The following NWD2 variants were observed in gnomAD, a reference collection of about 807,000 sequenced individuals.
NWD2 encodes NACHT and WD repeat domain containing 2, also known as NACHT and WD repeat domain-containing protein 2.
In NWD2, 37 loss-of-function variants were observed where a neutral mutation model predicts 132.7. That is an observed-to-expected ratio of 0.28 (90% CI 0.21 to 0.37). The LOEUF (loss-of-function observed/expected upper bound fraction) is 0.37. NWD2 is among the 10% of genes least tolerant of loss of function. The probability of loss-of-function intolerance (pLI) is 1.00; values close to 1 mark genes in which losing one functional copy is unlikely to be tolerated. For missense variants in NWD2, 1,592 were observed against 2,122.4 expected (o/e 0.75, Z 4.91); for synonymous variants, 705 against 803.0 (o/e 0.88, Z 2.06).
intron 5 of NWD2, among the ~76,000 whole-genome samples, chr4:37,435,301 A>C (rs576587736): frequency 1.7e-4 from 26 of 152,330 alleles, no homozygotes; most frequent in African/African-American, 6.3e-4. Context: ...GAAAACCTAA[A>C]AGGCACTTGG....
intron 2 of NWD2, among the ~76,000 whole-genome samples, chr4:37,335,882 T>C (rs1719396267): frequency 1.4e-5 from 2 of 147,498 alleles, no homozygotes; most frequent in South Asian, 4.5e-4. Flanking sequence ...TAATAAATGG[T>C]GGTTGATCGA....
In NWD2 at chr4:37,443,016, T is replaced by C. The variant is rs1475996463; in HGVS notation, c.1297-269T>C. On this transcript the variant is annotated intron_variant, in intron 6 of 6. Transcript: ENST00000309447. The surrounding 1 kb of genome is among the most constrained non-coding windows in gnomAD (Gnocchi z 4.1). ...ACCTTGTATCTTCTGGAATACAAGC[T>C]AAATATTGCCGAATGAGTGAAAAAT... Among the ~76,000 whole-genome samples the C allele has an allele frequency of 2.6e-5, 4 of 152,062 alleles. No individual in the cohort carries two copies. Among genetic ancestry groups the C allele is most frequent in the Admixed American group, 2.0e-4 (3 of 15,246 alleles).
intron 1 of NWD2, among the ~76,000 whole-genome samples, chr4:37,265,223 T>A (rs1288126283): frequency 6.6e-6 from 1 of 152,150 alleles, no homozygotes; most frequent in Non-Finnish European, 1.5e-5. Context: ...ATAGTTCTAA[T>A]ATTTACTGCA....
chr4:37,250,159 T>TAC (rs59150547), intron 1 of NWD2, among the ~76,000 whole-genome samples: 14,361 of 148,866 alleles, frequency 0.096, 748 homozygotes, highest in Non-Finnish European at 0.12. Context: ...TGTGTGTGTA[T>TAC]ACACACACAC....
rs1379537672 is a variant in NWD2 at position 37,447,209 on chromosome 4, GAT to G, written c.5223_5224del (p.Asp1741GlufsTer32). On this transcript the variant is annotated frameshift_variant, in exon 7 of 7. Coordinates refer to ENST00000309447, the MANE Select transcript of NWD2 (RefSeq NM_001144990.2). LOFTEE classifies it high-confidence loss of function. The stretch of plus-strand genomic sequence containing the variant: ...AGCCAGGGGCCACAGCTATGCCCCT[GAT>G]AACTGACAAAATGTTTTCCAGCTAA... ...LEARGHSYAP[D>X]N The G allele has an allele frequency of 6.5e-7, 1 of 1,543,564 alleles. No individual in the cohort carries two copies. The highest frequency in any genetic ancestry group is 2.5e-5 in the East Asian group (1 of 40,792).
intron 2 of NWD2, among the ~76,000 whole-genome samples, chr4:37,345,378 A>G (rs987196041): frequency 5.3e-5 from 8 of 152,178 alleles, no homozygotes; most frequent in Admixed American, 4.6e-4. Context: ...TCTTGCCAAC[A>G]CTTGTAATTA....
At chr4:37,357,226 A>T (rs1235402123) in intron 3 of NWD2, among the ~76,000 whole-genome samples, 1 of 150,666 alleles carries the variant, frequency 6.6e-6, no homozygotes, top group Non-Finnish European at 1.5e-5. Flanking sequence ...CTTTGAACAT[A>T]GGTTGCTCTA....
At chr4:37,408,559 A>G (rs960971693) in intron 3 of NWD2, among the ~76,000 whole-genome samples, 5 of 152,198 alleles carry the variant, frequency 3.3e-5, no homozygotes, top group South Asian at 4.1e-4. Flanking sequence ...CCCCATCTCA[A>G]TGGGACAGAG....
intron 1 of NWD2, among the ~76,000 whole-genome samples, chr4:37,292,288 TGAG>T (rs113580671): frequency 0.035 from 5,392 of 152,144 alleles, 330 homozygotes; most frequent in African/African-American, 0.12. Context: ...AGTGAGGCCT[TGAG>T]GGGATGATTA....
At chr4:37,316,044 AAAG>A (rs1177482957) in intron 1 of NWD2, among the ~76,000 whole-genome samples, 18 of 151,998 alleles carry the variant, frequency 1.2e-4, no homozygotes, top group East Asian at 1.9e-4. Context: ...CTAAATGTAG[AAAG>A]AAGAAGATCT....
At chr4:37,387,210 A>G (rs1720581555) in intron 3 of NWD2, among the ~76,000 whole-genome samples, 1 of 152,216 alleles carries the variant, frequency 6.6e-6, no homozygotes, top group Non-Finnish European at 1.5e-5. Context: ...GAAAACTACT[A>G]GAAAAAATTA....
rs553759401 is a variant in NWD2, at chr4:37,349,750, A to G, written c.241-6616A>G. 9.3e-4 allele frequency among the ~76,000 whole-genome samples: 142 copies of G among 152,248 alleles called. 1 individual carries two copies. Among genetic ancestry groups the G allele is most frequent in the African/African-American group, 3.1e-3 (130 of 41,562 alleles). ...ATTGCTTTTGGTGTTTTAGTCATGAAGTCTTTGCCCATGCCTATGACCTGA... is the reference window on the plus strand; with the variant it reads ...ATTGCTTTTGGTGTTTTAGTCATGAGGTCTTTGCCCATGCCTATGACCTGA... On this transcript the variant is annotated intron_variant, in intron 2 of 6. Coordinates refer to ENST00000309447, the MANE Select transcript of NWD2 (RefSeq NM_001144990.2).
At chr4:37,337,852 T>C (rs917438884) in intron 2 of NWD2, among the ~76,000 whole-genome samples, 5 of 152,198 alleles carry the variant, frequency 3.3e-5, no homozygotes, top group Non-Finnish European at 7.4e-5. Flanking sequence ...TCCTTTTCCC[T>C]TTCTGAATTC....
chr4:37,339,615 C>T (rs1026196969), intron 2 of NWD2, among the ~76,000 whole-genome samples: 1 of 152,088 alleles, frequency 6.6e-6, no homozygotes, highest in African/African-American at 2.4e-5. Context: ...ACTACGTGTC[C>T]CCATTGAGTA....
At chr4:37,372,244 CAT>C (rs1720243310) in intron 3 of NWD2, among the ~76,000 whole-genome samples, 1 of 152,124 alleles carries the variant, frequency 6.6e-6, no homozygotes, top group African/African-American at 2.4e-5. Flanking sequence ...ATATATAAAA[CAT>C]AAATGGAATA....
chr4:37,406,823 G>T (rs1268618798), intron 3 of NWD2, among the ~76,000 whole-genome samples: 1 of 152,174 alleles, frequency 6.6e-6, no homozygotes, highest in African/African-American at 2.4e-5. Context: ...TTGAACCCAG[G>T]AGGCAGGGGT....
intron 1 of NWD2, among the ~76,000 whole-genome samples, chr4:37,290,929 G>A (rs925657991): frequency 1.3e-5 from 2 of 152,140 alleles, no homozygotes; most frequent in African/African-American, 4.8e-5. Context: ...TAGAGTTAAG[G>A]AGTCCTAGAA....
chr4:37,436,683 C>A (rs1712331821), intron 5 of NWD2, among the ~76,000 whole-genome samples: 1 of 152,136 alleles, frequency 6.6e-6, no homozygotes, highest in African/African-American at 2.4e-5. Context: ...CTTCCTTTCT[C>A]TTCATGATGC....
chr4:37,414,982 G>T (rs1711546898), intron 3 of NWD2, among the ~76,000 whole-genome samples: 1 of 152,182 alleles, frequency 6.6e-6, no homozygotes, highest in African/African-American at 2.4e-5. Flanking sequence ...GAGAGCTTCT[G>T]CTCTGAACCA....
Sources: allele counts gnomAD v4.1 joint callset (sites outside exome capture counted in the v4.1 genomes callset), GRCh38; gene constraint gnomAD v4.1.1; non-coding constraint Gnocchi (gnomAD v3.1); transcripts MANE v1.5; gene names NCBI Gene and HGNC (gene_info 2026-07-23, HGNC 2026-07-21).